The following LAMA2 variants were observed in gnomAD, a reference collection of about 807,000 sequenced individuals.
LAMA2 encodes the protein laminin subunit alpha 2, also known as laminin subunit alpha-2.
Under a neutral mutation model 364.8 loss-of-function variants are expected in LAMA2, and 269 were observed. The ratio of observed to expected loss-of-function variants is 0.74; its 90% CI spans 0.67 to 0.82. The LOEUF is 0.82. LAMA2 is among the 40% of genes least tolerant of loss of function. The probability of loss-of-function intolerance (pLI) is 0.00; values close to 1 mark genes in which losing one functional copy is unlikely to be tolerated. For synonymous variants in LAMA2, 1,379 were observed against 1,370.6 expected, an observed-to-expected ratio of 1.01 and a Z score of -0.14; for missense variants, 3,807 against 3,873.2, an observed-to-expected ratio of 0.98 and a Z score of 0.45.
chr6:128,919,221 G>A (rs927619173), intron 1 of LAMA2, among the ~76,000 whole-genome samples: 10 of 152,070 alleles, frequency 6.6e-5, no homozygotes, highest in African/African-American at 2.4e-4. Context: ...TTCTTGGATT[G>A]TTTCCCTCTT....
chr6:128,939,446 A>G (rs942149065), intron 1 of LAMA2, among the ~76,000 whole-genome samples: 1 of 152,144 alleles, frequency 6.6e-6, no homozygotes, highest in African/African-American at 2.4e-5. Context: ...TTGGAGTTTC[A>G]TAAGGAATGC....
intron 41 of LAMA2, among the ~76,000 whole-genome samples, chr6:129,434,596 T>C (rs184140954): frequency 5.3e-5 from 8 of 152,258 alleles, no homozygotes; most frequent in African/African-American, 1.4e-4. Context: ...AAAAATTCAG[T>C]TGGATTTTCT....
chr6:129,136,062 T>C (rs1185544203), intron 4 of LAMA2, among the ~76,000 whole-genome samples: 1 of 152,144 alleles, frequency 6.6e-6, no homozygotes, highest in Admixed American at 6.5e-5. Flanking sequence ...GGGGGAAATT[T>C]GCATTTAGTA....
At chr6:129,287,739 T>G in intron 18 of LAMA2, 108 bp from the exon 19 acceptor site, 1 of 978,796 alleles carries the variant, frequency 1.0e-6, no homozygotes, top group South Asian at 1.3e-5. Flanking sequence ...AAAGGAACAC[T>G]TAAAAGGAAA....
At chr6:129,439,301 AT>A (rs1781987492) in intron 42 of LAMA2, among the ~76,000 whole-genome samples, 1 of 152,014 alleles carries the variant, frequency 6.6e-6, no homozygotes, top group African/African-American at 2.4e-5. Context: ...TCCCCTAAAT[AT>A]CCAAATATCC....
chr6:129,307,528 GT>G (rs1441433892), intron 22 of LAMA2, among the ~76,000 whole-genome samples: 3 of 152,244 alleles, frequency 2.0e-5, no homozygotes, highest in Middle Eastern at 3.4e-3. Flanking sequence ...CGGGCTTTGG[GT>G]TTACCCTCTC....
At chr6:129,112,765 C>T (rs1188466620) in intron 4 of LAMA2, among the ~76,000 whole-genome samples, 1 of 151,448 alleles carries the variant, frequency 6.6e-6, no homozygotes, top group African/African-American at 2.4e-5. Flanking sequence ...GTCTAGGGAA[C>T]TGTGTGGTTG....
At chr6:129,028,455 C>T (rs372673218) in intron 1 of LAMA2, among the ~76,000 whole-genome samples, 1 of 151,590 alleles carries the variant, frequency 6.6e-6, no homozygotes, top group Non-Finnish European at 1.5e-5. Flanking sequence ...ATTAAGAACC[C>T]GAATCCATTT....
At position 129,211,535 on chromosome 6, in the gene LAMA2, C is replaced by A. The variant is rs184260977; in HGVS notation, c.1782+18682C>A. On this transcript the variant is annotated intron_variant, in intron 12 of 64. Coordinates refer to ENST00000421865, the MANE Select transcript of LAMA2 (RefSeq NM_000426.4). The stretch of plus-strand genomic sequence containing the variant: ...AGAGACCATTCTGGACTTATAACTC[C>A]CTTGCAGCTCAGAAGGGACCCGTGG... 7.1e-3 allele frequency among the ~76,000 whole-genome samples: 1,074 copies of A among 152,262 alleles called. 6 individuals are homozygous for A. The highest frequency in any genetic ancestry group is 0.01 in the Non-Finnish European group (697 of 68,012).
chr6:129,183,194 T>A (rs926428311), intron 10 of LAMA2, among the ~76,000 whole-genome samples: 3 of 152,022 alleles, frequency 2.0e-5, no homozygotes, highest in Non-Finnish European at 2.9e-5. Flanking sequence ...TGACAAGTCA[T>A]TGACTATAAG....
At chr6:129,089,885 T>G (rs1053981690) in intron 3 of LAMA2, among the ~76,000 whole-genome samples, 3 of 152,310 alleles carry the variant, frequency 2.0e-5, no homozygotes, top group Admixed American at 2.0e-4. Context: ...TTGTGAGACC[T>G]TATGGGCCAA....
intron 1 of LAMA2, among the ~76,000 whole-genome samples, chr6:128,915,551 G>A (rs557918164): frequency 1.3e-5 from 2 of 152,160 alleles, no homozygotes; most frequent in East Asian, 3.9e-4. Context: ...CAAAAACATC[G>A]GAACCCTTTC....
chr6:129,227,885 G>A (rs1284543844), intron 12 of LAMA2, among the ~76,000 whole-genome samples: 1 of 152,148 alleles, frequency 6.6e-6, no homozygotes, highest in African/African-American at 2.4e-5. Context: ...GTCTGCAGAG[G>A]TTTCTGCTGT....
At position 129,049,999 on chromosome 6, in the gene LAMA2, T is replaced by A. The variant is rs886061041; in HGVS notation, c.194T>A (p.Met65Lys). 6.2e-7 allele frequency: 1 copy of A among 1,614,056 alleles called. No homozygotes were observed. The change falls in exon 2 of 65, where the codon ATG becomes AAG. Residue 65 changes from methionine (M) to lysine (K), a missense_variant. Around this residue, in one of 3 missense-constraint regions of LAMA2, gnomAD observed 394 missense variants for 403.5 expected, o/e 0.98. Transcript: ENST00000421865. ...NATCGEKGPEMYCKLVEHVPG... is the reference protein window; with the variant it reads ...NATCGEKGPEKYCKLVEHVPG... The stretch of plus-strand genomic sequence containing the variant: ...ACATGTGGAGAAAAAGGACCTGAAA[T>A]GTACTGCAAATTGGTAGAACATGTC...
chr6:128,883,809 C>CACAT (rs1291420699), intron 1 of LAMA2, among the ~76,000 whole-genome samples: 55 of 128,684 alleles, frequency 4.3e-4, no homozygotes, highest in African/African-American at 1.7e-3. Context: ...TATACACACA[C>CACAT]ACACACACAC....
chr6:129,181,185 T>C (rs1044443676), intron 10 of LAMA2, among the ~76,000 whole-genome samples: 1 of 151,968 alleles, frequency 6.6e-6, no homozygotes, highest in African/African-American at 2.4e-5. Context: ...GTCAAGGAAA[T>C]GATATTCCCA....
chr6:129,490,451 T>G (rs1296258426), intron 56 of LAMA2, among the ~76,000 whole-genome samples: 1 of 152,190 alleles, frequency 6.6e-6, no homozygotes. Context: ...AGAACCACAC[T>G]ACAGAGAGAG....
chr6:129,072,072 A>G lies in LAMA2; in HGVS notation c.396+12176A>G, dbSNP rs549466124. On this transcript the variant is annotated intron_variant, in intron 3 of 64. Coordinates refer to ENST00000421865, the MANE Select transcript of LAMA2 (RefSeq NM_000426.4). ...TGAGGTGGGAGAATCACTTCAACCCAGGAGGTAGAGGTTGTGGTGAGCCGA... is the reference window on the plus strand; with the variant it reads ...TGAGGTGGGAGAATCACTTCAACCCGGGAGGTAGAGGTTGTGGTGAGCCGA... 2.6e-5 allele frequency among the ~76,000 whole-genome samples: 4 copies of G among 152,188 alleles called. No individual in the cohort carries two copies. In the East Asian group the frequency reaches 7.7e-4, roughly 29 times the overall value.
At chr6:129,253,583 A>G (rs1786417859) in intron 14 of LAMA2, among the ~76,000 whole-genome samples, 1 of 152,248 alleles carries the variant, frequency 6.6e-6, no homozygotes, top group Admixed American at 6.5e-5. Flanking sequence ...GGAATTAATT[A>G]TGTTTTTCAC....
Sources: allele counts gnomAD v4.1 joint callset (sites outside exome capture counted in the v4.1 genomes callset), GRCh38; gene constraint gnomAD v4.1.1; regional missense constraint gnomAD v4.1.1; transcripts MANE v1.5; gene names NCBI Gene and HGNC (gene_info 2026-07-23, HGNC 2026-07-21).